Variants in GALNTL6 observed in about 807,000 individuals in gnomAD.
GALNTL6 encodes the protein polypeptide N-acetylgalactosaminyltransferase-like 6.
GALNTL6 carries 46 observed loss-of-function variants against 73.7 expected under a neutral mutation model. The observed-to-expected ratio is 0.62, with a 90% CI of 0.49 to 0.80. GALNTL6 has a LOEUF of 0.80. Ranked by LOEUF, GALNTL6 falls within the 30% of genes least tolerant of loss-of-function variation. The probability of loss-of-function intolerance (pLI) is 0.00; values close to 1 mark genes in which losing one functional copy is unlikely to be tolerated. For missense variants in GALNTL6, 604 were observed against 755.0 expected, an observed-to-expected ratio of 0.80 and a Z score of 2.34; for synonymous variants, 259 against 263.7, an observed-to-expected ratio of 0.98 and a Z score of 0.17.
chr4:171,816,587 T>C (rs1390040341), intron 2 of GALNTL6, among the ~76,000 whole-genome samples: 1 of 152,058 alleles, frequency 6.6e-6, no homozygotes, highest in Non-Finnish European at 1.5e-5. Flanking sequence ...ATGTAGAGGC[T>C]TTGAAACCAA....
chr4:172,663,318 T>G (rs1731478954), intron 5 of GALNTL6, among the ~76,000 whole-genome samples: 1 of 152,102 alleles, frequency 6.6e-6, no homozygotes, highest in Non-Finnish European at 1.5e-5. Flanking sequence ...GGGGGTTACT[T>G]AAAAGGGCAG....
At chr4:172,489,720 C>CT (rs1179185686) in intron 5 of GALNTL6, among the ~76,000 whole-genome samples, 3 of 152,196 alleles carry the variant, frequency 2.0e-5, no homozygotes, top group Non-Finnish European at 2.9e-5. Context: ...CCTACATACT[C>CT]TAAGTGGTTG....
At chr4:172,092,753 C>CT (rs1732239986) in intron 2 of GALNTL6, among the ~76,000 whole-genome samples, 1 of 151,844 alleles carries the variant, frequency 6.6e-6, no homozygotes, top group Non-Finnish European at 1.5e-5. Context: ...CTACCCCTAC[C>CT]TTTTTGTGAA....
intron 5 of GALNTL6, among the ~76,000 whole-genome samples, chr4:172,655,965 A>G (rs887506217): frequency 4.6e-5 from 7 of 152,226 alleles, no homozygotes; most frequent in African/African-American, 7.2e-5. Flanking sequence ...TTTGATAAAC[A>G]TTAGTCAAAA....
At chr4:171,815,968 T>A (rs1734514959) in intron 2 of GALNTL6, 1 of 152,200 alleles carries the variant, frequency 6.6e-6, no homozygotes, top group African/African-American at 2.4e-5. Context: ...CATTTAGTTG[T>A]TAATATTTAT....
intron 5 of GALNTL6, among the ~76,000 whole-genome samples, chr4:172,499,976 G>A (rs1030057386): frequency 4.6e-5 from 7 of 152,080 alleles, no homozygotes; most frequent in Admixed American, 3.9e-4. Flanking sequence ...CAGAAAGAGA[G>A]GACAGAGGGA....
chr4:172,702,009 A>G (rs1172079631), intron 5 of GALNTL6, among the ~76,000 whole-genome samples: 1 of 152,068 alleles, frequency 6.6e-6, no homozygotes, highest in African/African-American at 2.4e-5. Flanking sequence ...CTGAGCAGGT[A>G]CATTTTAATA....
chr4:171,951,798 C>A (rs1317086251), intron 2 of GALNTL6, among the ~76,000 whole-genome samples: 1 of 151,990 alleles, frequency 6.6e-6, no homozygotes, highest in South Asian at 2.1e-4. Context: ...AAATTATACA[C>A]TTCTACTAAT....
intron 2 of GALNTL6, among the ~76,000 whole-genome samples, chr4:171,976,138 G>A (rs928915452): frequency 2.6e-5 from 4 of 152,268 alleles, no homozygotes; most frequent in African/African-American, 9.6e-5. Context: ...GTCCAGGCTG[G>A]TCTTGAACTC....
intron 5 of GALNTL6, among the ~76,000 whole-genome samples, chr4:172,792,839 A>ACCTTC (rs1414817156): frequency 2.0e-5 from 3 of 151,804 alleles, no homozygotes; most frequent in African/African-American, 7.3e-5. Context: ...CCAAGACTAC[A>ACCTTC]CCTTCCCTTC....
chr4:172,654,376 C>T (rs911538119), intron 5 of GALNTL6, among the ~76,000 whole-genome samples: 1 of 152,176 alleles, frequency 6.6e-6, no homozygotes, highest in Non-Finnish European at 1.5e-5. Context: ...AGTTCTATTT[C>T]TTGTGTCAAA....
At chr4:172,524,351 C>T (rs957435424) in intron 5 of GALNTL6, among the ~76,000 whole-genome samples, 1 of 151,954 alleles carries the variant, frequency 6.6e-6, no homozygotes, top group Non-Finnish European at 1.5e-5. Context: ...CTAGTTCAAG[C>T]GATTCTCCTG....
intron 2 of GALNTL6, among the ~76,000 whole-genome samples, chr4:172,177,785 A>ACACATATATG (rs1491090289): frequency 1.6e-4 from 10 of 63,970 alleles, no homozygotes; most frequent in Non-Finnish European, 2.9e-4. Context: ...ATATATACAC[A>ACACATATATG]TGTGTATATA....
chr4:172,332,172 A>G (rs1741151445), intron 4 of GALNTL6, among the ~76,000 whole-genome samples: 1 of 152,042 alleles, frequency 6.6e-6, no homozygotes, highest in Admixed American at 6.6e-5. Context: ...TCTTCCTTGG[A>G]TGAATGTTTA....
chr4:172,457,974 C>T (rs13143916), intron 5 of GALNTL6, among the ~76,000 whole-genome samples: 21,960 of 152,016 alleles, frequency 0.14, 1,830 homozygotes, highest in Non-Finnish European at 0.2. Context: ...AAACACTCCT[C>T]AGCAAGTACA....
At chr4:172,528,965 G>T (rs837049) in intron 5 of GALNTL6, among the ~76,000 whole-genome samples, 2 of 34,484 alleles carry the variant, frequency 5.8e-5, no homozygotes, top group Non-Finnish European at 1.4e-4. Context: ...ATATATATAT[G>T]TGTGTGTATA....
In GALNTL6 at chr4:172,235,459, G is replaced by A. The variant is rs568631435; in HGVS notation, c.247+5695G>A. On this transcript the variant is annotated intron_variant, in intron 3 of 12. Coordinates refer to ENST00000506823, the MANE Select transcript of GALNTL6 (RefSeq NM_001034845.3). ...TGACCTCTGGTGATCCGCCCACCTTGGCCTCCCAAAGTGCTGGAATTACAG... is the reference window on the plus strand; with the variant it reads ...TGACCTCTGGTGATCCGCCCACCTTAGCCTCCCAAAGTGCTGGAATTACAG... Among the ~76,000 whole-genome samples, 3 of 152,106 alleles carry A rather than the reference G, an allele frequency of 2.0e-5. No homozygotes were observed. The South Asian group carries it at 6.2e-4, about 32-fold the overall frequency.
At chr4:171,953,135 T>C (rs1335137292) in intron 2 of GALNTL6, among the ~76,000 whole-genome samples, 1 of 152,126 alleles carries the variant, frequency 6.6e-6, no homozygotes, top group Non-Finnish European at 1.5e-5. Flanking sequence ...TAAAAAATTA[T>C]GGATAGTGAA....
intron 5 of GALNTL6, among the ~76,000 whole-genome samples, chr4:172,591,843 G>A (rs1486282295): frequency 6.6e-6 from 1 of 152,096 alleles, no homozygotes; most frequent in African/African-American, 2.4e-5. Flanking sequence ...AGTTATATGG[G>A]TTCATGTAGG....
Sources: gnomAD v4.1 joint callset for allele counts (sites outside exome capture counted in the v4.1 genomes callset) on GRCh38, gnomAD v4.1.1 for gene constraint, MANE v1.5 for transcripts, NCBI Gene and HGNC (gene_info 2026-07-23, HGNC 2026-07-21) for gene names.